The following KLF12 variants were observed in gnomAD, a reference collection of about 807,000 sequenced individuals.
KLF12 encodes Krueppel-like factor 12.
In KLF12, 9 loss-of-function variants were observed where a neutral mutation model predicts 37.8. That is an observed-to-expected ratio of 0.24 (90% CI 0.14 to 0.42). KLF12 has a LOEUF of 0.42. KLF12 is among the 10% of genes least tolerant of loss of function. KLF12 has a pLI of 1.00. For missense variants in KLF12, 411 were observed against 516.0 expected, an observed-to-expected ratio of 0.80 and a Z score of 1.97; for synonymous variants, 208 against 202.1, an observed-to-expected ratio of 1.03 and a Z score of -0.25.
chr13:73,872,597 G>A (rs1272940204), intron 3 of KLF12, among the ~76,000 whole-genome samples: 1 of 152,118 alleles, frequency 6.6e-6, no homozygotes, highest in Non-Finnish European at 1.5e-5. Flanking sequence ...TGAGAAGGAA[G>A]GAGAGTAAAT....
the KLF12 span, among the ~76,000 whole-genome samples, chr13:74,171,351 A>T: frequency 6.6e-6 from 1 of 152,196 alleles, no homozygotes; most frequent in African/African-American, 2.4e-5. Context: ...TGCTCTTGGC[A>T]TTCTCAGACG....
intron 3 of KLF12, among the ~76,000 whole-genome samples, chr13:73,914,243 TGA>T (rs1888706626): frequency 6.6e-6 from 1 of 152,208 alleles, no homozygotes; most frequent in Non-Finnish European, 1.5e-5. Flanking sequence ...TTACCACCTC[TGA>T]GAGACCCACT....
chr13:74,006,552 C>T (rs1892414414), intron 1 of KLF12, among the ~76,000 whole-genome samples: 1 of 152,182 alleles, frequency 6.6e-6, no homozygotes, highest in Non-Finnish European at 1.5e-5. Flanking sequence ...ATTACGACAG[C>T]CATGGAGATT....
chr13:73,959,166 C>A (rs1890945015), intron 2 of KLF12, among the ~76,000 whole-genome samples: 1 of 141,054 alleles, frequency 7.1e-6, no homozygotes, highest in African/African-American at 2.6e-5. Flanking sequence ...TGCTCCGCAT[C>A]ATGAATTTTC....
chr13:74,178,002 G>A, the KLF12 span, among the ~76,000 whole-genome samples: 4 of 152,194 alleles, frequency 2.6e-5, no homozygotes, highest in African/African-American at 9.7e-5. Flanking sequence ...AAATGCATTA[G>A]GGGTTGCATT....
intron 3 of KLF12, among the ~76,000 whole-genome samples, chr13:73,899,414 G>A (rs946217669): frequency 3.3e-5 from 5 of 152,164 alleles, no homozygotes; most frequent in Admixed American, 2.0e-4. Context: ...ACCCCAAGAT[G>A]AGAAACAGAA....
chr13:74,151,836 A>G, the KLF12 span, among the ~76,000 whole-genome samples: 2 of 152,202 alleles, frequency 1.3e-5, no homozygotes, highest in Admixed American at 1.3e-4. Context: ...ATTAAGAATA[A>G]AGATCACTCT....
chr13:74,098,426 G>A, intron 1 of KLF12, among the ~76,000 whole-genome samples: 1 of 152,202 alleles, frequency 6.6e-6, no homozygotes, highest in East Asian at 1.9e-4. Context: ...TTTTGGTACA[G>A]ATTTTGACTT....
At chr13:74,198,532 A>G in the KLF12 span, among the ~76,000 whole-genome samples, 199 of 152,322 alleles carry the variant, frequency 1.3e-3, no homozygotes, top group Non-Finnish European at 2.3e-3. Flanking sequence ...GGGAAAAATA[A>G]GAATCTGGAA....
At chr13:73,713,909 A>AT (rs1208712946) in intron 7 of KLF12, among the ~76,000 whole-genome samples, 4 of 152,178 alleles carry the variant, frequency 2.6e-5, no homozygotes, top group African/African-American at 7.2e-5. Flanking sequence ...GTAGAAAGTC[A>AT]TTTTTTTAAA....
chr13:74,260,846 A>G, the KLF12 span, among the ~76,000 whole-genome samples: 1 of 150,556 alleles, frequency 6.6e-6, no homozygotes, highest in Admixed American at 6.6e-5. Context: ...AATTGGGTTA[A>G]AGAATAAAAA....
chr13:73,723,932 A>ATT (rs1876467194), intron 6 of KLF12, among the ~76,000 whole-genome samples: 1 of 152,110 alleles, frequency 6.6e-6, no homozygotes, highest in Non-Finnish European at 1.5e-5. Context: ...GGAACACTAC[A>ATT]CTGTTGGTGG....
intron 5 of KLF12, among the ~76,000 whole-genome samples, chr13:73,778,468 C>T (rs904977293): frequency 5.3e-5 from 8 of 152,114 alleles, no homozygotes; most frequent in Non-Finnish European, 1.0e-4. Flanking sequence ...CAAGCGATCC[C>T]TCTGCCTCAG....
At chr13:73,955,007 C>T (rs1385933700) in intron 2 of KLF12, among the ~76,000 whole-genome samples, 1 of 152,148 alleles carries the variant, frequency 6.6e-6, no homozygotes, top group East Asian at 1.9e-4. Context: ...CTGGTTTAGT[C>T]TCTACCATGT....
chr13:73,814,168 T>C (rs1188764747), intron 4 of KLF12, among the ~76,000 whole-genome samples: 2 of 152,202 alleles, frequency 1.3e-5, no homozygotes, highest in African/African-American at 2.4e-5. Flanking sequence ...ACTAGGCATA[T>C]CTTTTCAATG....
At chr13:73,899,859 G>A (rs1887959659) in intron 3 of KLF12, among the ~76,000 whole-genome samples, 1 of 152,094 alleles carries the variant, frequency 6.6e-6, no homozygotes. Flanking sequence ...TAACTTACCT[G>A]GTTCTCCAGC....
chr13:74,032,709 A>G (rs779473654), intron 1 of KLF12, among the ~76,000 whole-genome samples: 4 of 152,136 alleles, frequency 2.6e-5, no homozygotes, highest in Non-Finnish European at 4.4e-5. Flanking sequence ...TCATATAACT[A>G]TCTTAAATAC....
intron 3 of KLF12, among the ~76,000 whole-genome samples, chr13:73,931,929 A>T (rs1213863587): frequency 6.6e-6 from 1 of 151,926 alleles, no homozygotes; most frequent in Non-Finnish European, 1.5e-5. Context: ...TCATTCGACT[A>T]CCTTGTTAGA....
At chr13:73,723,746 G>A (rs184342352) in intron 6 of KLF12, among the ~76,000 whole-genome samples, 92 of 152,240 alleles carry the variant, frequency 6.0e-4, no homozygotes, top group Non-Finnish European at 1.0e-3. Flanking sequence ...CTACTCAAGA[G>A]TGAAGAGTCT....
Sources: allele counts gnomAD v4.1 joint callset (sites outside exome capture counted in the v4.1 genomes callset), GRCh38; gene constraint gnomAD v4.1.1; transcripts MANE v1.5; gene names NCBI Gene and HGNC (gene_info 2026-07-23, HGNC 2026-07-21).